Variants in CIMAP2 observed in about 807,000 individuals in gnomAD.
CIMAP2 encodes the protein ciliary microtubule-associated protein 2.
At chr1:54,809,884 ACC>A in the CIMAP2 span, among the ~76,000 whole-genome samples, 1 of 151,470 alleles carries the variant, frequency 6.6e-6, no homozygotes, top group African/African-American at 2.4e-5. Flanking sequence ...TGAAAAAAAA[ACC>A]CCTAAAACCA....
the CIMAP2 span, among the ~76,000 whole-genome samples, chr1:54,819,493 T>G: frequency 6.6e-6 from 1 of 152,236 alleles, no homozygotes; most frequent in Admixed American, 6.5e-5. Flanking sequence ...TGGTCTCCCA[T>G]GTAGCTGCAA....
chr1:54,823,043 T>C, the CIMAP2 span, among the ~76,000 whole-genome samples: 1 of 152,230 alleles, frequency 6.6e-6, no homozygotes, highest in Non-Finnish European at 1.5e-5. Flanking sequence ...GAATGTGTAT[T>C]CTGTAGCTGT....
the CIMAP2 span, chr1:54,807,383 C>T: frequency 1.8e-6 from 2 of 1,094,352 alleles, no homozygotes; most frequent in Non-Finnish European, 2.6e-6. Context: ...CCTGTTGGTG[C>T]CAGCCTTAGT....
chr1:54,807,997 C>A, the CIMAP2 span: 1 of 1,578,966 alleles, frequency 6.3e-7, no homozygotes, highest in Non-Finnish European at 8.6e-7. Flanking sequence ...GGTTCGCTTC[C>A]GAGGACTCAC....
At chr1:54,837,203 G>A in the CIMAP2 span, among the ~76,000 whole-genome samples, 2 of 151,994 alleles carry the variant, frequency 1.3e-5, no homozygotes, top group African/African-American at 2.4e-5. Context: ...TGCATATTTT[G>A]TTCCCCAAAT....
chr1:54,811,765 G>GCCGGGCGGGGGCCCCCCCCCC, the CIMAP2 span: 2 of 1,301,332 alleles, frequency 1.5e-6, no homozygotes, highest in African/African-American at 1.5e-5. Context: ...GGTTCTGACA[G>GCCGGGCGGGGGCCCCCCCCCC]CCTCCATGCC....
At chr1:54,831,940 G>A in the CIMAP2 span, among the ~76,000 whole-genome samples, 6 of 152,162 alleles carry the variant, frequency 3.9e-5, no homozygotes, top group Non-Finnish European at 5.9e-5. Flanking sequence ...TTGACCTCCC[G>A]GCCTCGAGCA....
the CIMAP2 span, chr1:54,813,878 A>G: frequency 1.2e-6 from 2 of 1,613,974 alleles, no homozygotes; most frequent in Non-Finnish European, 8.5e-7. Flanking sequence ...TCACATCACA[A>G]TAAGAAGCAT....
chr1:54,816,553 A>C, the CIMAP2 span, among the ~76,000 whole-genome samples: 1 of 152,152 alleles, frequency 6.6e-6, no homozygotes, highest in East Asian at 1.9e-4. Flanking sequence ...TCTGAAATCA[A>C]GGCGTCTGCA....
the CIMAP2 span, among the ~76,000 whole-genome samples, chr1:54,835,242 A>G: frequency 6.6e-6 from 1 of 152,126 alleles, no homozygotes; most frequent in Admixed American, 6.5e-5. Context: ...CCCAGGGTGG[A>G]GTGCAGTGGT....
chr1:54,816,963 G>A, the CIMAP2 span: 1 of 1,613,846 alleles, frequency 6.2e-7, no homozygotes, highest in Non-Finnish European at 8.5e-7. Context: ...GCTTGCTAAT[G>A]TCCTGCCATC....
At chr1:54,811,765 G>GCCGGGGGGGGGCCCCCCCCCCCCCCCC in the CIMAP2 span, 3 of 1,301,330 alleles carry the variant, frequency 2.3e-6, no homozygotes, top group Non-Finnish European at 3.3e-6. Flanking sequence ...GGTTCTGACA[G>GCCGGGGGGGGGCCCCCCCCCCCCCCCC]CCTCCATGCC....
the CIMAP2 span, among the ~76,000 whole-genome samples, chr1:54,822,349 A>T: frequency 6.7e-6 from 1 of 149,826 alleles, no homozygotes; most frequent in Non-Finnish European, 1.5e-5. Flanking sequence ...TTTTCAAAAA[A>T]CCAACCTTTC....
chr1:54,807,387 C>A, the CIMAP2 span: 1 of 1,125,468 alleles, frequency 8.9e-7, no homozygotes, highest in Non-Finnish European at 1.2e-6. Flanking sequence ...TTGGTGCCAG[C>A]CTTAGTGCTG....
chr1:54,811,765 G>GCCGGGGGGGGGGGGGGCCCCCCCCCCC, the CIMAP2 span: 20 of 1,301,296 alleles, frequency 1.5e-5, no homozygotes, highest in Admixed American at 3.7e-5. Flanking sequence ...GGTTCTGACA[G>GCCGGGGGGGGGGGGGGCCCCCCCCCCC]CCTCCATGCC....
the CIMAP2 span, chr1:54,811,765 G>GCCGGGGGGGGGGGGGGGCGGCCCCCCCCC: frequency 7.7e-7 from 1 of 1,301,328 alleles, no homozygotes; most frequent in Non-Finnish European, 1.1e-6. Flanking sequence ...GGTTCTGACA[G>GCCGGGGGGGGGGGGGGGCGGCCCCCCCCC]CCTCCATGCC....
chr1:54,840,559 G>C, the CIMAP2 span, among the ~76,000 whole-genome samples: 1 of 152,196 alleles, frequency 6.6e-6, no homozygotes, highest in Admixed American at 6.5e-5. Context: ...AGAAGCTGCT[G>C]AACTATCTTG....
At chr1:54,840,020 G>C in the CIMAP2 span, among the ~76,000 whole-genome samples, 1 of 152,072 alleles carries the variant, frequency 6.6e-6, no homozygotes, top group Admixed American at 6.5e-5. Flanking sequence ...AGAGTGCTGG[G>C]ACTACAGGCA....
the CIMAP2 span, among the ~76,000 whole-genome samples, chr1:54,814,187 G>A: frequency 1.3e-5 from 2 of 152,184 alleles, no homozygotes; most frequent in African/African-American, 4.8e-5. Flanking sequence ...TGGTGAAGTG[G>A]TTGTGGGAAA....
Sources: gnomAD v4.1 joint callset for allele counts (sites outside exome capture counted in the v4.1 genomes callset) on GRCh38, gnomAD v4.1.1 for gene constraint, MANE v1.5 for transcripts, NCBI Gene and HGNC (gene_info 2026-07-23, HGNC 2026-07-21) for gene names.